CSRP3: variants seen among roughly 807,000 people sequenced by gnomAD.
CSRP3 encodes the protein cysteine and glycine-rich protein 3.
CSRP3 carries 24 observed loss-of-function variants against 24.3 expected under a neutral mutation model. The observed-to-expected ratio is 0.99, with a 90% CI of 0.71 to 1.39. The LOEUF is 1.39. CSRP3 is among the 40% of genes most tolerant of loss of function. CSRP3 has a pLI of 0.00. For synonymous variants in CSRP3, 105 were observed against 94.0 expected (o/e 1.12, Z -0.68); for missense variants, 240 against 249.0 (o/e 0.96, Z 0.24).
At position 19,192,377 on chromosome 11, in the gene CSRP3, C is replaced by T; in HGVS notation, c.72G>A (p.Gln24=). ...EKTVYHAEEI[Q]CNGRSFHKTC... ...TCTTGTGGAAACTCCTTCCATTGCA[C>T]TGGATTTCTTCTGCATGGTAGACGG... The change falls in exon 2 of 6, where the codon CAG becomes CAA. Residue 24 remains glutamine (Q), a synonymous_variant. Transcript: ENST00000265968. 6.2e-7 allele frequency: 1 copy of T among 1,614,224 alleles called. No homozygotes were observed. The highest frequency in any genetic ancestry group is 1.1e-5 in the South Asian group (1 of 91,086).
chr11:19,199,979 C>CT (rs1850808721), intron 1 of CSRP3, among the ~76,000 whole-genome samples: 1 of 152,202 alleles, frequency 6.6e-6, no homozygotes, highest in Non-Finnish European at 1.5e-5. Flanking sequence ...GTGTTATATT[C>CT]CTAGCCCTGG....
chr11:19,195,956 G>T (rs1329246162), intron 1 of CSRP3, among the ~76,000 whole-genome samples: 1 of 152,156 alleles, frequency 6.6e-6, no homozygotes, highest in Non-Finnish European at 1.5e-5. Flanking sequence ...AGGCCAAAAG[G>T]TAGAGGATAT....
Position 19,182,742 on chromosome 11 carries a change from G to A in CSRP3, c.513C>T (p.Cys171=), listed in dbSNP as rs376799144. The A allele has an allele frequency of 2.3e-5, 37 of 1,612,614 alleles. No homozygotes were observed. The highest frequency in any genetic ancestry group is 3.1e-5 in the Non-Finnish European group (36 of 1,178,718). ...CCGTGGGGCCAAAATTTTTGGCATA[G>A]CAAACTGTGAATGAGAAGAGGATGA... ...DKDGELYCKV[C]YAKNFGPTGI... is the part of the protein sequence containing the mutation. The change falls in exon 6 of 6, where the codon TGC becomes TGT. Residue 171 remains cysteine, a synonymous_variant. Transcript: ENST00000265968.
Position 19,184,944 on chromosome 11 carries a change from T to C in CSRP3, c.508+8A>G, listed in dbSNP as rs1850500234. 1 of 1,598,948 alleles carries C rather than the reference T, an allele frequency of 6.3e-7. No homozygotes were observed. The highest frequency in any genetic ancestry group is 1.7e-5 in the Admixed American group (1 of 60,022). On this transcript the variant is annotated splice_region_variant and intron_variant, in intron 5 of 5. Coordinates refer to ENST00000265968, the MANE Select transcript of CSRP3 (RefSeq NM_003476.5). ...ACATATTTCAAGAAAGTCTCCAGAA[T>C]CACTCACCTTTGCAATAAAGTTCCC...
At chr11:19,187,756 C>A (rs1850550504) in intron 3 of CSRP3, among the ~76,000 whole-genome samples, 1 of 152,202 alleles carries the variant, frequency 6.6e-6, no homozygotes, top group Non-Finnish European at 1.5e-5. Context: ...TCATGACAGG[C>A]ACACAAAGAA....
chr11:19,197,578 C>CTTTCTTCT (rs1850762537), intron 1 of CSRP3, among the ~76,000 whole-genome samples: 3 of 55,640 alleles, frequency 5.4e-5, no homozygotes, highest in African/African-American at 2.2e-4. Flanking sequence ...TTTCTTTCTT[C>CTTTCTTCT]TTTCACTACC....
chr11:19,193,207 C>T (rs1850643553), intron 1 of CSRP3, among the ~76,000 whole-genome samples: 1 of 152,188 alleles, frequency 6.6e-6, no homozygotes, highest in Admixed American at 6.5e-5. Context: ...CAGGGCTACC[C>T]TCTACCTGCT....
At chr11:19,192,199 A>T in intron 2 of CSRP3, 138 bp downstream of exon 2, 1 of 715,272 alleles carries the variant, frequency 1.4e-6, no homozygotes. Context: ...ATTTCTAACC[A>T]GTTCCCAGGT....
chr11:19,200,845 C>G (rs893234741), intron 1 of CSRP3, among the ~76,000 whole-genome samples: 7 of 152,212 alleles, frequency 4.6e-5, no homozygotes, highest in African/African-American at 1.4e-4. Flanking sequence ...ATTTCCCACT[C>G]TTCGTGCTGT....
chr11:19,183,179 G>T (rs925749565), intron 5 of CSRP3, among the ~76,000 whole-genome samples: 2 of 109,288 alleles, frequency 1.8e-5, no homozygotes, highest in African/African-American at 6.8e-5. Flanking sequence ...TAATAAAAAG[G>T]TTTATGCATG....
intron 1 of CSRP3, among the ~76,000 whole-genome samples, chr11:19,199,177 T>A (rs1169398214): frequency 6.6e-6 from 1 of 151,846 alleles, no homozygotes; most frequent in Non-Finnish European, 1.5e-5. Context: ...GGAGGCAGCA[T>A]GCCTAGCCAG....
chr11:19,182,301 C>G lies in CSRP3; in HGVS notation c.*369G>C, dbSNP rs1850447729. The G allele has an allele frequency of 4.4e-6, 1 of 227,944 alleles. No individual in the cohort carries two copies. The allele number at this position is 227,944 out of a possible 1,614,324, so 14.1% of individuals were successfully genotyped here. On this transcript the variant is annotated 3_prime_UTR_variant, in exon 6 of 6. Transcript: ENST00000265968. ...TGCGCATTGTTTCTTCCTTCTCACT[C>G]CTTTCTCAGTTGACATCCAAATTTA...
intron 1 of CSRP3, among the ~76,000 whole-genome samples, chr11:19,197,571 CT>C (rs1266507343): frequency 1.6e-4 from 19 of 119,530 alleles, no homozygotes; most frequent in African/African-American, 5.8e-4. Flanking sequence ...TTCTTTCTTT[CT>C]TTCTTCTTTC....
intron 2 of CSRP3, 21 bp downstream of exon 2, chr11:19,192,316 C>CA: frequency 6.3e-7 from 1 of 1,586,402 alleles, no homozygotes; most frequent in Non-Finnish European, 8.7e-7. Flanking sequence ...GAGGGGCCCC[C>CA]AGGGTGTCCA....
chr11:19,189,908 G>T lies in CSRP3; in HGVS notation c.113-1604C>A, dbSNP rs1189074798. 5.9e-5 allele frequency among the ~76,000 whole-genome samples: 9 copies of T among 152,302 alleles called. No individual in the cohort carries two copies. In the East Asian group the frequency reaches 1.7e-3, roughly 29 times the overall value. On this transcript the variant is annotated intron_variant, in intron 2 of 5. Transcript: ENST00000265968. ...TGCCTTATATTGAGACATAGAAGGTGTGTACACTTGTCTCTACCCTTCTTG... is the reference window on the plus strand; with the variant it reads ...TGCCTTATATTGAGACATAGAAGGTTTGTACACTTGTCTCTACCCTTCTTG...
chr11:19,194,696 T>A (rs762325010), intron 1 of CSRP3, among the ~76,000 whole-genome samples: 1 of 151,976 alleles, frequency 6.6e-6, no homozygotes, highest in Non-Finnish European at 1.5e-5. Flanking sequence ...AATAAATAAA[T>A]AAGAATTTCT....
Position 19,186,366 on chromosome 11 carries a change from A to G in CSRP3, c.282-18T>C, listed in dbSNP as rs765249295. ...TTGGGGACCTGTTGGAAATAGACGA[A>G]TGAATGAAACGTAGATTTCCCTTGG... On this transcript the variant is annotated intron_variant, in intron 3 of 5. Transcript: ENST00000265968. 1.2e-6 allele frequency: 2 copies of G among 1,614,056 alleles called. No individual in the cohort carries two copies. The highest frequency in any genetic ancestry group is 1.7e-5 in the Admixed American group (1 of 60,000).
At chr11:19,190,293 T>A (rs1850594123) in intron 2 of CSRP3, among the ~76,000 whole-genome samples, 2 of 152,234 alleles carry the variant, frequency 1.3e-5, no homozygotes, top group Non-Finnish European at 1.5e-5. Context: ...TGAGCTTTTG[T>A]GAACAGACAA....
chr11:19,200,075 C>T (rs990061075), intron 1 of CSRP3, among the ~76,000 whole-genome samples: 2 of 151,792 alleles, frequency 1.3e-5, no homozygotes, highest in South Asian at 2.1e-4. Context: ...TTTATCAGCA[C>T]GCTTGTACTT....
Sources: gnomAD v4.1 joint callset for allele counts (sites outside exome capture counted in the v4.1 genomes callset) on GRCh38, gnomAD v4.1.1 for gene constraint, MANE v1.5 for transcripts, NCBI Gene and HGNC (gene_info 2026-07-23, HGNC 2026-07-21) for gene names.